The following PFDN4 variants were observed in gnomAD, a reference collection of about 807,000 sequenced individuals.
PFDN4 encodes prefoldin 4.
PFDN4 carries 6 observed loss-of-function variants against 17.6 expected under a neutral mutation model. That is an observed-to-expected ratio of 0.34 (90% CI 0.19 to 0.67). The LOEUF (loss-of-function observed/expected upper bound fraction) is 0.67, where lower values mean the gene tolerates loss of function less well. Among genes scored for constraint, PFDN4 ranks in the 30% least tolerant of loss-of-function variants. The pLI, the probability that PFDN4 is intolerant of heterozygous loss-of-function variation, is 0.68. For synonymous variants in PFDN4, 48 were observed against 51.1 expected (o/e 0.94, Z 0.26); for missense variants, 119 against 158.4 (o/e 0.75, Z 1.33).
At chr20:54,216,471 C>G (rs1056634173) in intron 3 of PFDN4, among the ~76,000 whole-genome samples, 2 of 152,070 alleles carry the variant, frequency 1.3e-5, no homozygotes, top group Admixed American at 1.3e-4. Flanking sequence ...TTATATGTCT[C>G]CCTTATGTTT....
At chr20:54,218,241 GCATTAA>G (rs1295643553) in intron 3 of PFDN4, among the ~76,000 whole-genome samples, 1 of 141,362 alleles carries the variant, frequency 7.1e-6, no homozygotes, top group Non-Finnish European at 1.5e-5. Context: ...AATGAGGGAA[GCATTAA>G]CATTACAAAA....
intron 1 of PFDN4, among the ~76,000 whole-genome samples, chr20:54,212,434 CAT>C (rs757783156): frequency 7.9e-5 from 12 of 152,324 alleles, no homozygotes; most frequent in Non-Finnish European, 1.3e-4. Flanking sequence ...CCAGGGGCCA[CAT>C]GTGTGCTGAT....
chr20:54,217,190 A>C (rs1207562033), intron 3 of PFDN4, among the ~76,000 whole-genome samples: 2 of 152,114 alleles, frequency 1.3e-5, no homozygotes, highest in South Asian at 2.1e-4. Flanking sequence ...AGAGGAATCT[A>C]CACTAGTCTG....
chr20:54,209,677 CA>C (rs2092753145), intron 1 of PFDN4, among the ~76,000 whole-genome samples: 1 of 152,150 alleles, frequency 6.6e-6, no homozygotes, highest in African/African-American at 2.4e-5. Flanking sequence ...AACTGAAGTG[CA>C]GAGAGGTGAA....
intron 1 of PFDN4, among the ~76,000 whole-genome samples, chr20:54,210,635 C>T (rs559310482): frequency 6.6e-6 from 1 of 152,166 alleles, no homozygotes; most frequent in African/African-American, 2.4e-5. Context: ...GTTCATTATC[C>T]TATATACAAA....
At position 54,208,131 on chromosome 20, in the gene PFDN4, G is replaced by C. The variant is rs750207135; in HGVS notation, c.24+7G>C. On this transcript the variant is annotated splice_region_variant and intron_variant, in intron 1 of 3. Transcript: ENST00000371419. ...GGCCACCATGAAGAAGGCGGTGAGT[G>C]GGGAGCTCGGGGCTCTGGATGCTCG... 26 of 1,553,410 alleles carry C rather than the reference G, an allele frequency of 1.7e-5. No homozygotes were observed. Among genetic ancestry groups the C allele is most frequent in the South Asian group, 3.5e-5 (3 of 84,586 alleles).
At chr20:54,216,039 G>A (rs921387601) in intron 3 of PFDN4, among the ~76,000 whole-genome samples, 2 of 152,162 alleles carry the variant, frequency 1.3e-5, no homozygotes, top group Non-Finnish European at 2.9e-5. Flanking sequence ...TTGGGGTCAC[G>A]GGTCTTATTG....
chr20:54,208,419 T>C (rs2092751053), intron 1 of PFDN4: 2 of 393,152 alleles, frequency 5.1e-6, no homozygotes, highest in Non-Finnish European at 4.5e-6. Flanking sequence ...CTGAGGAACC[T>C]GCAGCCCCGG....
Position 54,209,801 on chromosome 20 carries a change from G to A in PFDN4, c.24+1677G>A, listed in dbSNP as rs540593301. Among the ~76,000 whole-genome samples, 30 of 152,214 alleles carry A rather than the reference G, an allele frequency of 2.0e-4. 1 individual carries two copies. Among genetic ancestry groups the A allele is most frequent in the African/African-American group, 6.3e-4 (26 of 41,526 alleles). Reference sequence around the variant, plus strand: ...TTTCATTGATTCAGTAAATTTTCGGGGGCACGTAATATGGCGTAGTCTCAG... The same window carrying A: ...TTTCATTGATTCAGTAAATTTTCGGAGGCACGTAATATGGCGTAGTCTCAG... On this transcript the variant is annotated intron_variant, in intron 1 of 3. Transcript: ENST00000371419.
At position 54,219,106 on chromosome 20, in the gene PFDN4, G is replaced by A; in HGVS notation, c.361G>A (p.Ala121Thr). 6.3e-7 allele frequency: 1 copy of A among 1,590,666 alleles called. No individual in the cohort carries two copies. Among genetic ancestry groups the A allele is most frequent in the South Asian group, 1.1e-5 (1 of 87,606 alleles). The change falls in exon 4 of 4, where the codon GCA becomes ACA. Residue 121 changes from alanine to threonine, a missense_variant. Physicochemically the swap from Ala to Thr is moderately conservative, Grantham distance 58. Transcript: ENST00000371419. ...VLADLKVQLY[A>T]KFGSNINLEA... The stretch of plus-strand genomic sequence containing the variant: ...AGCAGATTTGAAAGTTCAGTTGTAT[G>A]CAAAATTCGGGAGCAACATAAACCT...
intron 1 of PFDN4, 74 bp from the exon 2 acceptor site, chr20:54,214,277 T>C (rs1265650226): frequency 1.3e-6 from 1 of 756,798 alleles, no homozygotes; most frequent in African/African-American, 1.8e-5. Flanking sequence ...TATTGAGTTA[T>C]TGTTGAGAAA....
Position 54,212,931 on chromosome 20 carries a change from T to A in PFDN4, c.25-1420T>A, listed in dbSNP as rs1393263221. 2.6e-5 allele frequency among the ~76,000 whole-genome samples: 4 copies of A among 152,368 alleles called. No individual in the cohort carries two copies. The East Asian group carries it at 7.7e-4, about 29-fold the overall frequency. On this transcript the variant is annotated intron_variant, in intron 1 of 3. Coordinates refer to ENST00000371419, the MANE Select transcript of PFDN4 (RefSeq NM_002623.4). ...CTAGACATAGTGTGATGTAAAGGAT[T>A]TTTTCAGGCTATCTTCTGGGTTGTT...
intron 1 of PFDN4, among the ~76,000 whole-genome samples, chr20:54,211,874 A>T (rs1301926900): frequency 6.6e-6 from 1 of 151,736 alleles, no homozygotes; most frequent in Non-Finnish European, 1.5e-5. Context: ...ATGTCCATTG[A>T]CCACCCCCAC....
chr20:54,213,558 AAGTGTACCTC>A (rs1389545463), intron 1 of PFDN4, among the ~76,000 whole-genome samples: 1 of 152,158 alleles, frequency 6.6e-6, no homozygotes, highest in Non-Finnish European at 1.5e-5. Flanking sequence ...ATATTATATA[AAGTGTACCTC>A]AGTTTCTCAA....
intron 3 of PFDN4, among the ~76,000 whole-genome samples, chr20:54,217,219 A>G (rs545480824): frequency 6.6e-6 from 1 of 151,648 alleles, no homozygotes; most frequent in East Asian, 1.9e-4. Flanking sequence ...GGGTCAGGGA[A>G]GGGCTCCCAG....
intron 3 of PFDN4, among the ~76,000 whole-genome samples, chr20:54,216,618 CAGAT>C (rs1450850426): frequency 6.6e-6 from 1 of 152,062 alleles, no homozygotes; most frequent in African/African-American, 2.4e-5. Flanking sequence ...GCCCCATACA[CAGAT>C]AGCTACTGAA....
chr20:54,213,323 T>A (rs7360240), intron 1 of PFDN4, among the ~76,000 whole-genome samples: 214 of 152,340 alleles, frequency 1.4e-3, no homozygotes, highest in African/African-American at 4.4e-3. Flanking sequence ...CTTTATTTTT[T>A]AAAAATATAT....
chr20:54,219,025 T>C lies in PFDN4; in HGVS notation c.280T>C (p.Leu94=). Residue 94 remains leucine (L), a synonymous_variant, in exon 4 of 4, where the codon TTG becomes CTG. Transcript: ENST00000371419. ...TAAAATATTTTTTTTCCAGAAAAAT[T>C]TGCAAGAAGAAATTGACGCCTTAGA... is the stretch of plus-strand genomic sequence containing the variant. ...QEMLEEAKKN[L]QEEIDALESR... The C allele has an allele frequency of 6.6e-7, 1 of 1,522,952 alleles. No individual in the cohort carries two copies. Among genetic ancestry groups the C allele is most frequent in the Admixed American group, 2.1e-5 (1 of 47,160 alleles). The allele number at this position is 1,522,952 out of a possible 1,614,324, so 94.3% of individuals were successfully genotyped here.
At chr20:54,212,975 T>C (rs977940698) in intron 1 of PFDN4, among the ~76,000 whole-genome samples, 3 of 152,240 alleles carry the variant, frequency 2.0e-5, no homozygotes, top group African/African-American at 7.2e-5. Context: ...GCATAATGCA[T>C]GTGAAATTGT....
Sources: allele counts gnomAD v4.1 joint callset (sites outside exome capture counted in the v4.1 genomes callset), GRCh38; gene constraint gnomAD v4.1.1; transcripts MANE v1.5; gene names NCBI Gene and HGNC (gene_info 2026-07-23, HGNC 2026-07-21).